ERBB4: variants seen among roughly 807,000 people sequenced by gnomAD.
The protein encoded by ERBB4 is receptor tyrosine-protein kinase erbB-4.
Under a neutral mutation model 158.0 loss-of-function variants are expected in ERBB4, and 42 were observed. The observed-to-expected ratio is 0.27, with a 90% CI of 0.21 to 0.34. The LOEUF is 0.34. Ranked by LOEUF, ERBB4 falls within the 10% of genes least tolerant of loss-of-function variation. The pLI, the probability that ERBB4 is intolerant of heterozygous loss-of-function variation, is 1.00. For synonymous variants in ERBB4, 583 were observed against 558.7 expected, an observed-to-expected ratio of 1.04 and a Z score of -0.61; for missense variants, 1,333 against 1,624.1, an observed-to-expected ratio of 0.82 and a Z score of 3.08.
intron 3 of ERBB4, among the ~76,000 whole-genome samples, chr2:211,820,316 A>T (rs2076967064): frequency 6.6e-6 from 1 of 151,902 alleles, no homozygotes; most frequent in Non-Finnish European, 1.5e-5. Context: ...ATATGCCAAT[A>T]AATTTGAAAA....
chr2:212,232,201 T>C (rs2083689448), intron 1 of ERBB4, among the ~76,000 whole-genome samples: 1 of 152,196 alleles, frequency 6.6e-6, no homozygotes, highest in Non-Finnish European at 1.5e-5. Context: ...ATGTTGTTTT[T>C]ATATGTTATA....
At chr2:211,905,026 G>T (rs1170483506) in intron 3 of ERBB4, among the ~76,000 whole-genome samples, 5 of 152,060 alleles carry the variant, frequency 3.3e-5, no homozygotes, top group Non-Finnish European at 7.4e-5. Context: ...GTATTAGTCT[G>T]GCATTGCTGC....
chr2:211,739,927 C>T (rs897898258), intron 5 of ERBB4, among the ~76,000 whole-genome samples: 3 of 152,170 alleles, frequency 2.0e-5, no homozygotes, highest in African/African-American at 7.2e-5. Context: ...GTTCCCTATT[C>T]ATTTAATTTT....
rs879097747 is a variant in ERBB4 at position 211,665,343 on chromosome 2, G to A, written c.1851C>T (p.Cys617=). Residue 617 remains cysteine, a synonymous_variant, in exon 15 of 28, where the codon TGC becomes TGT. Transcript: ENST00000342788. ...YADPDRECHP[C]HPNCTQGCNG... ...CTTACCCTTGGGTGCAGTTTGGATG[G>A]CATGGGTGGCACTCCCGATCTGGAT... The A allele has an allele frequency of 1.9e-6, 3 of 1,614,012 alleles. No homozygotes were observed. The highest frequency in any genetic ancestry group is 2.5e-6 in the Non-Finnish European group (3 of 1,180,010).
rs776277818 is a variant in ERBB4 at position 212,499,588 on chromosome 2, T to G, written c.82+38861A>C. Among the ~76,000 whole-genome samples, 4 of 152,006 alleles carry G rather than the reference T, an allele frequency of 2.6e-5. No homozygotes were observed. In the East Asian group the frequency reaches 5.8e-4, roughly 22 times the overall value. On this transcript the variant is annotated intron_variant, in intron 1 of 27. Coordinates refer to ENST00000342788, the MANE Select transcript of ERBB4 (RefSeq NM_005235.3). ...ATCTGGATAGGAATGATAGCCCAAA[T>G]GGAGATAAAGGTACTGGTATACGAA...
At chr2:211,419,947 G>T (rs2063480278) in intron 25 of ERBB4, among the ~76,000 whole-genome samples, 1 of 151,964 alleles carries the variant, frequency 6.6e-6, no homozygotes, top group East Asian at 1.9e-4. Flanking sequence ...ATGTGATTAG[G>T]TTCAAAGGAC....
At chr2:212,387,634 G>C (rs560185641) in intron 1 of ERBB4, among the ~76,000 whole-genome samples, 1 of 151,836 alleles carries the variant, frequency 6.6e-6, no homozygotes, top group South Asian at 2.1e-4. Context: ...GTCAGGCTTG[G>C]TTCAAACTCC....
At chr2:211,808,596 G>A (rs1021619853) in intron 3 of ERBB4, among the ~76,000 whole-genome samples, 5 of 152,172 alleles carry the variant, frequency 3.3e-5, no homozygotes, top group East Asian at 1.9e-4. Context: ...GCTTAGGATT[G>A]TCTTGGCAAT....
At chr2:212,327,571 C>T (rs1295855713) in intron 1 of ERBB4, among the ~76,000 whole-genome samples, 1 of 151,842 alleles carries the variant, frequency 6.6e-6, no homozygotes, top group Non-Finnish European at 1.5e-5. Context: ...ATTCTAAAAC[C>T]AAACCAAAGT....
At chr2:211,415,506 A>G (rs1433528402) in intron 25 of ERBB4, among the ~76,000 whole-genome samples, 1 of 152,238 alleles carries the variant, frequency 6.6e-6, no homozygotes, top group East Asian at 1.9e-4. Flanking sequence ...AAGGAAACAT[A>G]GCAAAATATA....
intron 1 of ERBB4, among the ~76,000 whole-genome samples, chr2:212,380,986 G>A (rs944966558): frequency 1.3e-5 from 2 of 150,978 alleles, no homozygotes; most frequent in South Asian, 2.1e-4. Context: ...TTCTTTTTTC[G>A]TTTTCATTGT....
intron 1 of ERBB4, among the ~76,000 whole-genome samples, chr2:212,421,014 A>G (rs1039941644): frequency 6.6e-6 from 1 of 152,154 alleles, no homozygotes; most frequent in African/African-American, 2.4e-5. Flanking sequence ...AGTTATAAAT[A>G]TGCCATATAA....
chr2:212,383,716 T>C (rs1365631235), intron 1 of ERBB4, among the ~76,000 whole-genome samples: 1 of 151,556 alleles, frequency 6.6e-6, no homozygotes, highest in East Asian at 1.9e-4. Context: ...TTGTGAAAGG[T>C]TAGAGCTTTT....
At chr2:211,916,654 G>T (rs752427052) in intron 3 of ERBB4, among the ~76,000 whole-genome samples, 2 of 152,076 alleles carry the variant, frequency 1.3e-5, no homozygotes, top group African/African-American at 2.4e-5. Flanking sequence ...ATGAGGGTCT[G>T]ATTTAAATTA....
intron 1 of ERBB4, among the ~76,000 whole-genome samples, chr2:212,529,453 C>A (rs1692629882): frequency 6.6e-6 from 1 of 152,034 alleles, no homozygotes; most frequent in Non-Finnish European, 1.5e-5. Flanking sequence ...AAGAAATACC[C>A]TAGGAAGCTC....
intron 1 of ERBB4, among the ~76,000 whole-genome samples, chr2:212,329,420 A>G (rs1263954718): frequency 6.6e-6 from 1 of 152,068 alleles, no homozygotes; most frequent in Non-Finnish European, 1.5e-5. Context: ...CAGTATGATA[A>G]AGTATGAAAG....
At chr2:211,601,318 G>T (rs2068792692) in intron 19 of ERBB4, among the ~76,000 whole-genome samples, 1 of 151,946 alleles carries the variant, frequency 6.6e-6, no homozygotes, top group Non-Finnish European at 1.5e-5. Context: ...AGAAGGTCCA[G>T]CATATAATTA....
chr2:212,194,907 A>G (rs1045123800), intron 1 of ERBB4, among the ~76,000 whole-genome samples: 4 of 151,914 alleles, frequency 2.6e-5, no homozygotes. Context: ...CTTAATGTTG[A>G]TAAACAATAA....
intron 3 of ERBB4, among the ~76,000 whole-genome samples, chr2:211,862,521 T>C (rs1459800956): frequency 1.3e-5 from 2 of 152,182 alleles, no homozygotes; most frequent in African/African-American, 4.8e-5. Flanking sequence ...GATTAATTCA[T>C]GGAGACAACA....
Sources: allele counts gnomAD v4.1 joint callset (sites outside exome capture counted in the v4.1 genomes callset), GRCh38; gene constraint gnomAD v4.1.1; transcripts MANE v1.5; gene names NCBI Gene and HGNC (gene_info 2026-07-23, HGNC 2026-07-21).